The following MEMO1 variants were observed in gnomAD, a reference collection of about 807,000 sequenced individuals.
MEMO1 encodes protein MEMO1.
A neutral mutation model predicts 45.2 loss-of-function variants in MEMO1; 6 were observed. The observed-to-expected ratio is 0.13, with a 90% confidence interval of 0.07 to 0.26. MEMO1 has a LOEUF of 0.26. Among genes scored for constraint, MEMO1 ranks in the 10% least tolerant of loss-of-function variants. The pLI is 1.00. For synonymous variants in MEMO1, 78 were observed against 124.3 expected, an observed-to-expected ratio of 0.63 and a Z score of 2.48; for missense variants, 184 against 370.5, an observed-to-expected ratio of 0.50 and a Z score of 4.13.
At chr2:31,961,006 T>C (rs900901918) in intron 2 of MEMO1, among the ~76,000 whole-genome samples, 1 of 152,142 alleles carries the variant, frequency 6.6e-6, no homozygotes, top group African/African-American at 2.4e-5. Flanking sequence ...AAGTAACAAA[T>C]GTAAGCAAAG....
intron 2 of MEMO1, among the ~76,000 whole-genome samples, chr2:31,993,978 T>G (rs865926632): frequency 1.5e-5 from 2 of 133,856 alleles, no homozygotes; most frequent in African/African-American, 5.5e-5. Context: ...TTTTTTTTTT[T>G]GAGACAGAGT....
intron 8 of MEMO1, among the ~76,000 whole-genome samples, chr2:31,880,064 G>C (rs920297346): frequency 3.9e-5 from 6 of 152,084 alleles, no homozygotes; most frequent in African/African-American, 1.4e-4. Flanking sequence ...TGGCTTCTTT[G>C]TAAGTATGTT....
Position 31,869,944 on chromosome 2 carries a change from A to G in MEMO1, c.666T>C (p.Ser222=). The G allele has an allele frequency of 6.7e-7, 1 of 1,487,372 alleles. No individual in the cohort carries two copies. The highest frequency in any genetic ancestry group is 2.5e-5 in the Admixed American group (1 of 39,314). The allele number at this position is 1,487,372 out of a possible 1,614,324, so 92.1% of individuals were successfully genotyped here. ...SIEHLDKMGM[S]IIEQLDPVSF... is the part of the protein sequence containing the mutation. Reference sequence around the variant, plus strand: ...ATACAGGGTCTAATTGTTCTATAATACTCATACCCTAAAAAAAAAAAAAAA... The same window carrying G: ...ATACAGGGTCTAATTGTTCTATAATGCTCATACCCTAAAAAAAAAAAAAAA... The change falls in exon 9 of 10, where the codon AGT becomes AGC. Residue 222 remains serine, a synonymous_variant. Transcript: ENST00000404530.
At chr2:31,974,335 C>CA (rs1669753193) in intron 2 of MEMO1, among the ~76,000 whole-genome samples, 1 of 152,128 alleles carries the variant, frequency 6.6e-6, no homozygotes, top group African/African-American at 2.4e-5. Context: ...GTTTTACATT[C>CA]AAAATATACT....
chr2:31,886,804 C>T (rs1676258114), intron 7 of MEMO1, among the ~76,000 whole-genome samples: 1 of 152,116 alleles, frequency 6.6e-6, no homozygotes, highest in Non-Finnish European at 1.5e-5. Context: ...CTTATCCTTT[C>T]AGAAGGTACA....
At chr2:31,929,074 A>C (rs921083031) in intron 4 of MEMO1, among the ~76,000 whole-genome samples, 1 of 152,164 alleles carries the variant, frequency 6.6e-6, no homozygotes, top group Admixed American at 6.5e-5. Context: ...ATAAAAAACT[A>C]ATTTTGCCAT....
At chr2:31,952,906 G>C (rs370528832) in intron 2 of MEMO1, among the ~76,000 whole-genome samples, 2 of 152,090 alleles carry the variant, frequency 1.3e-5, no homozygotes, top group East Asian at 3.9e-4. Context: ...GCATTTCCCT[G>C]TATTATAAAC....
At chr2:31,971,528 C>A (rs1281219548) in intron 2 of MEMO1, among the ~76,000 whole-genome samples, 1 of 152,060 alleles carries the variant, frequency 6.6e-6, no homozygotes. Context: ...CCGTGCCCAG[C>A]CTAAACCCTT....
intron 2 of MEMO1, among the ~76,000 whole-genome samples, chr2:31,962,151 G>T (rs1370718563): frequency 6.6e-6 from 1 of 152,114 alleles, no homozygotes; most frequent in Non-Finnish European, 1.5e-5. Context: ...CATTCTGGGA[G>T]GCCAAGGCGA....
intron 6 of MEMO1, among the ~76,000 whole-genome samples, chr2:31,895,448 A>G (rs1677623611): frequency 6.6e-6 from 1 of 152,234 alleles, no homozygotes; most frequent in South Asian, 2.1e-4. Context: ...AAAAGAACCA[A>G]GTGGAAATTT....
At chr2:31,958,898 G>A (rs1667689354) in intron 2 of MEMO1, among the ~76,000 whole-genome samples, 1 of 152,156 alleles carries the variant, frequency 6.6e-6, no homozygotes, top group South Asian at 2.1e-4. Context: ...CAATCCATCT[G>A]CCTCAGCCTC....
intron 2 of MEMO1, among the ~76,000 whole-genome samples, chr2:31,949,255 G>A (rs1444986242): frequency 1.3e-5 from 2 of 152,160 alleles, no homozygotes; most frequent in African/African-American, 4.8e-5. Context: ...CAATTTTCCT[G>A]CTGGGTATTT....
chr2:31,968,666 T>C (rs1668914460), intron 2 of MEMO1, among the ~76,000 whole-genome samples: 1 of 152,226 alleles, frequency 6.6e-6, no homozygotes, highest in Admixed American at 6.5e-5. Flanking sequence ...TCAGTCCATA[T>C]CCTTGCATTC....
chr2:31,983,267 A>T (rs556271018), intron 2 of MEMO1, among the ~76,000 whole-genome samples: 8 of 152,184 alleles, frequency 5.3e-5, no homozygotes, highest in East Asian at 3.9e-4. Context: ...CCTAAAAAAA[A>T]TTTTTTTAAA....
chr2:31,967,432 G>C (rs942726348), intron 2 of MEMO1, among the ~76,000 whole-genome samples: 1 of 152,016 alleles, frequency 6.6e-6, no homozygotes, highest in South Asian at 2.1e-4. Flanking sequence ...CCAATAGTCA[G>C]TAACTATTTT....
chr2:31,972,259 G>A (rs990255045), intron 2 of MEMO1, among the ~76,000 whole-genome samples: 4 of 152,048 alleles, frequency 2.6e-5, no homozygotes, highest in African/African-American at 7.2e-5. Context: ...TTACTCATTC[G>A]TTTTCAATTC....
At chr2:31,982,324 G>A (rs1209650263) in intron 2 of MEMO1, among the ~76,000 whole-genome samples, 2 of 151,686 alleles carry the variant, frequency 1.3e-5, no homozygotes, top group Middle Eastern at 3.4e-3. Flanking sequence ...AGACGCGGTG[G>A]CTCATGCCTG....
chr2:31,893,325 T>C (rs1235379419), intron 6 of MEMO1: 21 of 1,186,088 alleles, frequency 1.8e-5, no homozygotes, highest in Non-Finnish European at 2.2e-5. Context: ...TCTGCATCTA[T>C]GGAGTAAGAG....
rs181258794 is a variant in MEMO1 at position 31,871,154 on chromosome 2, C to T, written c.658-1202G>A. Among the ~76,000 whole-genome samples the T allele has an allele frequency of 2.2e-3, 330 of 152,284 alleles. 1 individual carries two copies. Among genetic ancestry groups the T allele is most frequent in the Middle Eastern group, 6.8e-3 (2 of 294 alleles). ...TATTGATTCTAGCTAATTATACATACACCAATTATATTATTTTCTTATTCA... is the reference window on the plus strand; with the variant it reads ...TATTGATTCTAGCTAATTATACATATACCAATTATATTATTTTCTTATTCA... On this transcript the variant is annotated intron_variant, in intron 8 of 9. Transcript: ENST00000404530.
Sources: gnomAD v4.1 joint callset for allele counts (sites outside exome capture counted in the v4.1 genomes callset) on GRCh38, gnomAD v4.1.1 for gene constraint, MANE v1.5 for transcripts, NCBI Gene and HGNC (gene_info 2026-07-23, HGNC 2026-07-21) for gene names.